The following ARHGAP15 variants were observed in gnomAD, a reference collection of about 807,000 sequenced individuals.
ARHGAP15 encodes rho GTPase-activating protein 15.
A neutral mutation model predicts 63.7 loss-of-function variants in ARHGAP15; 51 were observed. That is an observed-to-expected ratio of 0.80 (90% confidence interval 0.64 to 1.01). The LOEUF (loss-of-function observed/expected upper bound fraction) is 1.01, where lower values mean the gene tolerates loss of function less well. Ranked by LOEUF, ARHGAP15 falls within the 50% of genes least tolerant of loss-of-function variation. The pLI is 0.00. For synonymous variants in ARHGAP15, 191 were observed against 193.8 expected (o/e 0.99, Z 0.12); for missense variants, 560 against 564.6 (o/e 0.99, Z 0.08).
At chr2:143,614,676 G>T in intron 11 of ARHGAP15, among the ~76,000 whole-genome samples, 1 of 152,120 alleles carries the variant, frequency 6.6e-6, no homozygotes, top group Admixed American at 6.5e-5. Context: ...GGGATATAAA[G>T]AAAAATAAAA....
chr2:143,473,212 A>G (rs1691661914), intron 8 of ARHGAP15, among the ~76,000 whole-genome samples: 1 of 152,218 alleles, frequency 6.6e-6, no homozygotes, highest in African/African-American at 2.4e-5. Context: ...CAATGGAGCA[A>G]TAAATTTCCA....
intron 2 of ARHGAP15, among the ~76,000 whole-genome samples, chr2:143,160,757 C>T (rs1326084299): frequency 2.0e-5 from 3 of 151,918 alleles, no homozygotes; most frequent in African/African-American, 7.2e-5. Flanking sequence ...CTGGAGATTT[C>T]TTTCCTTGTC....
intron 6 of ARHGAP15, among the ~76,000 whole-genome samples, chr2:143,351,748 C>T (rs1301157382): frequency 6.6e-6 from 1 of 152,068 alleles, no homozygotes. Flanking sequence ...TCAGTAAGAT[C>T]GAACTAATTG....
chr2:143,346,258 A>ACACACT (rs1685295452), intron 6 of ARHGAP15, among the ~76,000 whole-genome samples: 1 of 147,940 alleles, frequency 6.8e-6, no homozygotes, highest in Non-Finnish European at 1.5e-5. Flanking sequence ...ACTCACACAC[A>ACACACT]CACACACACA....
chr2:143,605,737 G>A (rs892208266), intron 11 of ARHGAP15, among the ~76,000 whole-genome samples: 9 of 151,640 alleles, frequency 5.9e-5, no homozygotes, highest in Non-Finnish European at 1.2e-4. Context: ...TTCACCTCCA[G>A]GCATGGTGGC....
At chr2:143,311,824 G>A (rs149576483) in intron 6 of ARHGAP15, among the ~76,000 whole-genome samples, 23 of 152,172 alleles carry the variant, frequency 1.5e-4, no homozygotes, top group Non-Finnish European at 1.5e-4. Flanking sequence ...ATGGCAAACC[G>A]GTTCAACAGT....
intron 6 of ARHGAP15, chr2:143,435,254 A>G: frequency 2.0e-6 from 2 of 997,948 alleles, no homozygotes; most frequent in Non-Finnish European, 2.4e-6. Context: ...GAATTCTGAC[A>G]CACCCGGGTG....
At chr2:143,600,387 C>T (rs918568502) in intron 11 of ARHGAP15, among the ~76,000 whole-genome samples, 1 of 152,108 alleles carries the variant, frequency 6.6e-6, no homozygotes, top group Non-Finnish European at 1.5e-5. Context: ...CTTGGAATTC[C>T]AAGCATTGCA....
At chr2:143,294,199 C>T (rs1682532397) in intron 6 of ARHGAP15, among the ~76,000 whole-genome samples, 1 of 152,084 alleles carries the variant, frequency 6.6e-6, no homozygotes, top group Non-Finnish European at 1.5e-5. Context: ...TGGTTTGAAC[C>T]ACCAACCTAT....
At chr2:143,293,809 C>T (rs1239809920) in intron 6 of ARHGAP15, among the ~76,000 whole-genome samples, 1 of 151,946 alleles carries the variant, frequency 6.6e-6, no homozygotes, top group Non-Finnish European at 1.5e-5. Context: ...ATATTCAAAT[C>T]CAAGTTTAGG....
intron 5 of ARHGAP15, among the ~76,000 whole-genome samples, chr2:143,244,963 G>A (rs935079271): frequency 3.9e-5 from 6 of 152,210 alleles, no homozygotes; most frequent in African/African-American, 1.4e-4. Flanking sequence ...GGTGAAGTGA[G>A]TGAAGGGATT....
At chr2:143,283,302 T>C (rs1195555813) in intron 6 of ARHGAP15, among the ~76,000 whole-genome samples, 1 of 152,148 alleles carries the variant, frequency 6.6e-6, no homozygotes, top group Non-Finnish European at 1.5e-5. Flanking sequence ...CATGAGAAAG[T>C]AAAAAATTTA....
At chr2:143,327,970 T>C (rs1684335732) in intron 6 of ARHGAP15, among the ~76,000 whole-genome samples, 1 of 151,224 alleles carries the variant, frequency 6.6e-6, no homozygotes, top group South Asian at 2.1e-4. Context: ...AAAGAAGACA[T>C]TTATGTGGCC....
chr2:143,605,683 A>G (rs1697964765), intron 11 of ARHGAP15, among the ~76,000 whole-genome samples: 1 of 151,736 alleles, frequency 6.6e-6, no homozygotes, highest in South Asian at 2.1e-4. Flanking sequence ...GGGAGACAGA[A>G]CTGATGGGCC....
chr2:143,540,621 C>G (rs1371153193), intron 10 of ARHGAP15, among the ~76,000 whole-genome samples: 2 of 152,082 alleles, frequency 1.3e-5, no homozygotes, highest in African/African-American at 4.8e-5. Flanking sequence ...TATTTTATTT[C>G]TCCTTCCCTT....
chr2:143,738,442 G>T (rs919137228), intron 13 of ARHGAP15, among the ~76,000 whole-genome samples: 1 of 152,176 alleles, frequency 6.6e-6, no homozygotes, highest in African/African-American at 2.4e-5. Context: ...CATCCCAGCA[G>T]ATACCAATAT....
rs550607977 is a variant in ARHGAP15 at position 143,694,377 on chromosome 2, T to C, written c.1139-9042T>C. On this transcript the variant is annotated intron_variant, in intron 12 of 13. Transcript: ENST00000295095. ...ATGTCCCTTCCAGATAAAAGACCTT[T>C]GCTATGTAGGACCCATGTGGTAAAA... 4.0e-4 allele frequency among the ~76,000 whole-genome samples: 61 copies of C among 152,332 alleles called. 2 individuals are homozygous for C. The South Asian group carries it at 9.3e-3, about 23-fold the overall frequency.
intron 12 of ARHGAP15, among the ~76,000 whole-genome samples, chr2:143,631,044 C>T (rs1699046572): frequency 6.6e-6 from 1 of 152,110 alleles, no homozygotes; most frequent in African/African-American, 2.4e-5. Flanking sequence ...ACTATCGATA[C>T]ATTTACATTT....
chr2:143,733,484 C>G (rs988738237), intron 13 of ARHGAP15, among the ~76,000 whole-genome samples: 2 of 151,842 alleles, frequency 1.3e-5, no homozygotes, highest in Non-Finnish European at 2.9e-5. Flanking sequence ...ATTTGGTACC[C>G]AAGAACCCAG....
Sources: allele counts gnomAD v4.1 joint callset (sites outside exome capture counted in the v4.1 genomes callset), GRCh38; gene constraint gnomAD v4.1.1; transcripts MANE v1.5; gene names NCBI Gene and HGNC (gene_info 2026-07-23, HGNC 2026-07-21).